The following GNAZ variants were observed in gnomAD, a reference collection of about 807,000 sequenced individuals.
GNAZ encodes the protein G protein subunit alpha z.
In GNAZ, 3 loss-of-function variants were observed where a neutral mutation model predicts 25.4. The observed-to-expected ratio is 0.12, with a 90% confidence interval of 0.05 to 0.30. The LOEUF (loss-of-function observed/expected upper bound fraction) is 0.30. Among genes scored for constraint, GNAZ ranks in the 10% least tolerant of loss-of-function variants. The pLI, the probability that GNAZ is intolerant of heterozygous loss-of-function variation, is 1.00. For synonymous variants in GNAZ, 211 were observed against 205.7 expected (o/e 1.03, Z -0.22); for missense variants, 241 against 501.8 (o/e 0.48, Z 4.97).
In GNAZ at chr22:23,096,395, A is replaced by C. The variant is rs1569173304; in HGVS notation, c.700A>C (p.Lys234Gln). The C allele has an allele frequency of 1.9e-6, 3 of 1,609,976 alleles. No homozygotes were observed. Among genetic ancestry groups the C allele is most frequent in the African/African-American group, 1.3e-5 (1 of 74,906 alleles). ...TGTGGAGCTCAGCGGCTACGACCTG[A>C]AACTCTACGAGGATAACCAGACAGT... ...FCVELSGYDL[K>Q]LYEDNQTSRM... Residue 234 changes from lysine (K) to glutamine (Q), a missense_variant, in exon 2 of 3, where the codon AAA (lysine) becomes CAA (glutamine). Physicochemically the swap from Lys to Gln is moderately conservative, Grantham distance 53. Coordinates refer to ENST00000615612, the MANE Select transcript of GNAZ (RefSeq NM_002073.4).
intron 2 of GNAZ, among the ~76,000 whole-genome samples, chr22:23,111,045 G>T (rs923741502): frequency 1.3e-5 from 2 of 152,210 alleles, no homozygotes; most frequent in Non-Finnish European, 2.9e-5. Context: ...GATAGCACTG[G>T]GATTCCAGCA....
intron 1 of GNAZ, among the ~76,000 whole-genome samples, chr22:23,081,190 G>A (rs916913489): frequency 1.3e-5 from 2 of 152,220 alleles, no homozygotes; most frequent in Non-Finnish European, 2.9e-5. Context: ...GAGTATAACA[G>A]CCTAAAGTTC....
chr22:23,092,601 A>G (rs1236218263), intron 1 of GNAZ, among the ~76,000 whole-genome samples: 2 of 152,098 alleles, frequency 1.3e-5, no homozygotes, highest in South Asian at 2.1e-4. Context: ...TTCCTTGCAC[A>G]TTGCCCTGTC....
At chr22:23,089,293 CTG>C (rs1465805437) in intron 1 of GNAZ, among the ~76,000 whole-genome samples, 1 of 152,210 alleles carries the variant, frequency 6.6e-6, no homozygotes, top group Non-Finnish European at 1.5e-5. Flanking sequence ...GGCACTGACT[CTG>C]TGCTGTGCTG....
At chr22:23,080,257 TTGTC>T (rs2068638399) in intron 1 of GNAZ, among the ~76,000 whole-genome samples, 3 of 152,316 alleles carry the variant, frequency 2.0e-5, no homozygotes, top group African/African-American at 2.4e-5. Context: ...CTATCACCCT[TTGTC>T]TGGTCAGCCG....
chr22:23,088,027 A>G (rs982282172), intron 1 of GNAZ, among the ~76,000 whole-genome samples: 5 of 152,228 alleles, frequency 3.3e-5, no homozygotes, highest in African/African-American at 9.6e-5. Flanking sequence ...TGTTTAAACT[A>G]TAAACTAAGT....
chr22:23,114,025 G>C (rs1287491758), intron 2 of GNAZ, among the ~76,000 whole-genome samples: 1 of 152,188 alleles, frequency 6.6e-6, no homozygotes, highest in African/African-American at 2.4e-5. Context: ...GGGGTGAGAG[G>C]CTTGGCCGGT....
At chr22:23,082,120 G>A (rs1250736527) in intron 1 of GNAZ, among the ~76,000 whole-genome samples, 3 of 126,212 alleles carry the variant, frequency 2.4e-5, no homozygotes, top group South Asian at 4.9e-4. Context: ...GCAAGACTCC[G>A]CCTCAAAAAA....
At chr22:23,093,444 T>C (rs1032386344) in intron 1 of GNAZ, among the ~76,000 whole-genome samples, 1 of 152,128 alleles carries the variant, frequency 6.6e-6, no homozygotes, top group African/African-American at 2.4e-5. Flanking sequence ...GGACGGGCCC[T>C]CCTCACCCGC....
At chr22:23,106,581 G>C (rs1247818656) in intron 2 of GNAZ, among the ~76,000 whole-genome samples, 1 of 152,208 alleles carries the variant, frequency 6.6e-6, no homozygotes, top group Non-Finnish European at 1.5e-5. Flanking sequence ...CCCCTCCCCT[G>C]GCTAGTGAGG....
chr22:23,093,227 GTGAC>G (rs2069037226), intron 1 of GNAZ, among the ~76,000 whole-genome samples: 1 of 152,262 alleles, frequency 6.6e-6, no homozygotes, highest in African/African-American at 2.4e-5. Flanking sequence ...ATTGGGCTGA[GTGAC>G]TGTTTAATCA....
intron 2 of GNAZ, among the ~76,000 whole-genome samples, chr22:23,115,058 C>T (rs959564284): frequency 6.6e-6 from 1 of 152,038 alleles, no homozygotes; most frequent in Non-Finnish European, 1.5e-5. Context: ...GGTTTGAGGC[C>T]CCTAGTTGGG....
chr22:23,099,350 G>A (rs1393580863), intron 2 of GNAZ, among the ~76,000 whole-genome samples: 2 of 152,240 alleles, frequency 1.3e-5, no homozygotes, highest in East Asian at 1.9e-4. Flanking sequence ...ACCCTCGTCC[G>A]AAGGAATTGG....
intron 1 of GNAZ, among the ~76,000 whole-genome samples, chr22:23,091,493 C>A (rs904352649): frequency 4.6e-5 from 7 of 152,000 alleles, no homozygotes; most frequent in Non-Finnish European, 8.8e-5. Flanking sequence ...TGCACACACA[C>A]AGGGACCTAT....
At chr22:23,114,235 C>T (rs991209266) in intron 2 of GNAZ, among the ~76,000 whole-genome samples, 3 of 152,236 alleles carry the variant, frequency 2.0e-5, no homozygotes, top group African/African-American at 7.2e-5. Context: ...CGCCCCACAG[C>T]TCTGCTCTCG....
chr22:23,082,919 A>T (rs1363579555), intron 1 of GNAZ, among the ~76,000 whole-genome samples: 1 of 152,120 alleles, frequency 6.6e-6, no homozygotes. Context: ...TTGCCCCCAG[A>T]AACTCCCATT....
chr22:23,121,639 G>A (rs1047113479), intron 2 of GNAZ, among the ~76,000 whole-genome samples: 6 of 152,026 alleles, frequency 3.9e-5, no homozygotes, highest in Non-Finnish European at 4.4e-5. Context: ...CTGTTGCTTC[G>A]TGCCTGAGTC....
At chr22:23,076,905 G>A (rs1465772692) in intron 1 of GNAZ, among the ~76,000 whole-genome samples, 1 of 152,208 alleles carries the variant, frequency 6.6e-6, no homozygotes. Context: ...TGCCTGTGAT[G>A]GTGACCCTGC....
chr22:23,121,653 A>C (rs908504111), intron 2 of GNAZ, among the ~76,000 whole-genome samples: 12 of 151,440 alleles, frequency 7.9e-5, no homozygotes, highest in Non-Finnish European at 1.5e-4. Context: ...CTGAGTCATC[A>C]CTACCAGCTG....
Sources: gnomAD v4.1 joint callset for allele counts (sites outside exome capture counted in the v4.1 genomes callset) on GRCh38, gnomAD v4.1.1 for gene constraint, MANE v1.5 for transcripts, NCBI Gene and HGNC (gene_info 2026-07-23, HGNC 2026-07-21) for gene names.